INSC: variants seen among roughly 807,000 people sequenced by gnomAD.
INSC encodes protein inscuteable homolog.
A neutral mutation model predicts 58.6 loss-of-function variants in INSC; 67 were observed. The observed-to-expected ratio is 1.14, with a 90% CI of 0.94 to 1.40. The LOEUF (loss-of-function observed/expected upper bound fraction) is 1.40. Ranked by LOEUF, INSC falls within the 40% of genes most tolerant of loss-of-function variation. The pLI, the probability that INSC is intolerant of heterozygous loss-of-function variation, is 0.00. For missense variants in INSC, 714 were observed against 692.0 expected (o/e 1.03, Z -0.36); for synonymous variants, 262 against 276.1 (o/e 0.95, Z 0.51).
chr11:15,125,414 G>C (rs1382793761), intron 1 of INSC, among the ~76,000 whole-genome samples: 2 of 152,188 alleles, frequency 1.3e-5, no homozygotes, highest in Non-Finnish European at 2.9e-5. Flanking sequence ...ATTTCGAAGA[G>C]AGAAATGACA....
At chr11:15,198,527 T>A (rs1540151) in intron 6 of INSC, among the ~76,000 whole-genome samples, 2 of 151,934 alleles carry the variant, frequency 1.3e-5, no homozygotes, top group Non-Finnish European at 2.9e-5. Context: ...TCGTTGGCAC[T>A]GTTTCTTCAT....
the INSC span, among the ~76,000 whole-genome samples, chr11:15,265,795 T>C: frequency 6.6e-6 from 1 of 150,758 alleles, no homozygotes; most frequent in Non-Finnish European, 1.5e-5. Context: ...GTATGGTAGG[T>C]ATTTTCAGGT....
intron 8 of INSC, among the ~76,000 whole-genome samples, chr11:15,224,154 T>A (rs887905083): frequency 2.0e-5 from 3 of 152,216 alleles, no homozygotes; most frequent in African/African-American, 7.2e-5. Flanking sequence ...GGGATTGTTG[T>A]AAGGATTAAA....
chr11:15,220,647 A>G (rs1285815397), intron 7 of INSC, among the ~76,000 whole-genome samples: 1 of 152,220 alleles, frequency 6.6e-6, no homozygotes, highest in Non-Finnish European at 1.5e-5. Context: ...AATGGGAATA[A>G]TAATACTGAC....
At chr11:15,236,558 T>C (rs1309363084) in intron 10 of INSC, among the ~76,000 whole-genome samples, 1 of 152,202 alleles carries the variant, frequency 6.6e-6, no homozygotes, top group African/African-American at 2.4e-5. Context: ...GTGCTGAACA[T>C]GTCACCAAGG....
At chr11:15,171,113 G>A (rs1748939186) in intron 2 of INSC, among the ~76,000 whole-genome samples, 1 of 152,168 alleles carries the variant, frequency 6.6e-6, no homozygotes, top group Non-Finnish European at 1.5e-5. Flanking sequence ...GGCCTCCCAG[G>A]GCCTTGTTCT....
rs149534464 is a variant in INSC, at chr11:15,170,467, C to T, written c.57-5274C>T. On this transcript the variant is annotated intron_variant, in intron 2 of 12. Transcript: ENST00000379556. The stretch of plus-strand genomic sequence containing the variant: ...TGTCCCTCAGTTTGGGTTTGTCTGA[C>T]GCTTCCCTCATCATGAGACTGAGGC... Among the ~76,000 whole-genome samples, 828 of 152,192 alleles carry T rather than the reference C, an allele frequency of 5.4e-3. 13 individuals carry two copies. The highest frequency in any genetic ancestry group is 0.019 in the African/African-American group (782 of 41,524).
At chr11:15,261,073 A>G in the INSC span, among the ~76,000 whole-genome samples, 1 of 152,140 alleles carries the variant, frequency 6.6e-6, no homozygotes, top group Non-Finnish European at 1.5e-5. Context: ...GAAAATTCTG[A>G]GCAGAGAAGT....
intron 1 of INSC, among the ~76,000 whole-genome samples, chr11:15,116,742 TTTCC>T (rs200368520): frequency 3.6e-4 from 55 of 151,074 alleles, no homozygotes; most frequent in African/African-American, 6.4e-4. Flanking sequence ...CTTTCTCTCT[TTTCC>T]TTCCTTCCTT....
intron 6 of INSC, among the ~76,000 whole-genome samples, chr11:15,195,445 A>G (rs1472304271): frequency 6.6e-6 from 1 of 152,106 alleles, no homozygotes; most frequent in African/African-American, 2.4e-5. Context: ...GGCCTTAGAA[A>G]TTTCCTGGGA....
intron 1 of INSC, among the ~76,000 whole-genome samples, chr11:15,131,585 G>A (rs1848126932): frequency 6.6e-6 from 1 of 151,994 alleles, no homozygotes; most frequent in Non-Finnish European, 1.5e-5. Context: ...ATGTGATTCA[G>A]GACTAGTTCA....
the INSC span, among the ~76,000 whole-genome samples, chr11:15,257,915 T>C: frequency 2.0e-5 from 3 of 152,136 alleles, no homozygotes; most frequent in Admixed American, 6.6e-5. Context: ...CTTATGGTAC[T>C]TAGCTATGGC....
At chr11:15,173,383 ATACT>A (rs1242947835) in intron 2 of INSC, among the ~76,000 whole-genome samples, 1 of 152,298 alleles carries the variant, frequency 6.6e-6, no homozygotes, top group Admixed American at 6.5e-5. Context: ...ATATAAAATG[ATACT>A]TACTAGGTTA....
At chr11:15,154,931 C>A (rs1848763749) in intron 2 of INSC, among the ~76,000 whole-genome samples, 1 of 152,104 alleles carries the variant, frequency 6.6e-6, no homozygotes, top group African/African-American at 2.4e-5. Flanking sequence ...TGCCTTGTGG[C>A]TGGGATGGAC....
At chr11:15,114,910 C>G (rs1044225614), upstream of INSC, 6 of 984,988 alleles carry the variant, frequency 6.1e-6, no homozygotes, top group East Asian at 1.1e-4. Flanking sequence ...CGGGCTGGGC[C>G]GGCAGAGCGG....
intron 5 of INSC, chr11:15,188,407 C>G: frequency 2.1e-6 from 2 of 960,726 alleles, no homozygotes; most frequent in Non-Finnish European, 2.5e-6. Context: ...TCAGAGGGGT[C>G]AGGGCCCGGC....
At chr11:15,180,694 C>CGGGGG (rs756237896) in intron 5 of INSC, among the ~76,000 whole-genome samples, 1 of 41,838 alleles carries the variant, frequency 2.4e-5, no homozygotes, top group African/African-American at 9.6e-5. Context: ...AGGGGGGGGG[C>CGGGGG]GGGGGGGGGT....
chr11:15,179,823 G>T (rs956566158), intron 5 of INSC, among the ~76,000 whole-genome samples: 5 of 152,176 alleles, frequency 3.3e-5, no homozygotes, highest in African/African-American at 1.2e-4. Context: ...AAAAGTCGAG[G>T]GACTGATGAG....
At chr11:15,221,696 C>T in intron 8 of INSC, 48 bp downstream of exon 8, 1 of 1,527,320 alleles carries the variant, frequency 6.5e-7, no homozygotes, top group Non-Finnish European at 8.9e-7. Context: ...GGCCTTGGCA[C>T]AGTTGTCTTC....
Sources: allele counts gnomAD v4.1 joint callset (sites outside exome capture counted in the v4.1 genomes callset), GRCh38; gene constraint gnomAD v4.1.1; transcripts MANE v1.5; gene names NCBI Gene and HGNC (gene_info 2026-07-23, HGNC 2026-07-21).